DIS3L2: variants seen among roughly 807,000 people sequenced by gnomAD.
DIS3L2 encodes the protein DIS3-like exonuclease 2.
Under a neutral mutation model 97.5 loss-of-function variants are expected in DIS3L2, and 34 were observed. The ratio of observed to expected loss-of-function variants is 0.35; its 90% CI spans 0.27 to 0.46. The LOEUF is 0.46. Among genes scored for constraint, DIS3L2 ranks in the 20% least tolerant of loss-of-function variants. The probability of loss-of-function intolerance (pLI) is 1.00; values close to 1 mark genes in which losing one functional copy is unlikely to be tolerated. For synonymous variants in DIS3L2, 435 were observed against 445.2 expected (o/e 0.98, Z 0.29); for missense variants, 1,038 against 1,146.0 (o/e 0.91, Z 1.36).
rs1255633608 is a variant in DIS3L2 at position 232,161,866 on chromosome 2, TG to T, written c.951-1591del. Among the ~76,000 whole-genome samples, 9 of 151,998 alleles carry T rather than the reference TG, an allele frequency of 5.9e-5. 1 individual carries two copies. Among genetic ancestry groups the T allele is most frequent in the Admixed American group, 2.0e-4 (3 of 15,272 alleles). ...CGGCTCACCGCAACCTCTGACTCTCTGGTTCAAGGGATTCTCCTGCTTCAGT... is the reference window on the plus strand; with the variant it reads ...CGGCTCACCGCAACCTCTGACTCTCTGTTCAAGGGATTCTCCTGCTTCAGT... On this transcript the variant is annotated intron_variant, in intron 8 of 20. Coordinates refer to ENST00000325385, the MANE Select transcript of DIS3L2 (RefSeq NM_152383.5).
intron 5 of DIS3L2, among the ~76,000 whole-genome samples, chr2:232,060,023 T>C (rs1268726844): frequency 1.3e-5 from 2 of 152,172 alleles, no homozygotes; most frequent in East Asian, 3.9e-4. Flanking sequence ...TGCTGAGATT[T>C]TTTTTCTATA....
intron 10 of DIS3L2, among the ~76,000 whole-genome samples, chr2:232,218,750 C>T (rs1339889540): frequency 2.0e-5 from 3 of 152,342 alleles, no homozygotes; most frequent in Non-Finnish European, 4.4e-5. Context: ...TCAGTAATTT[C>T]CCTCCCTCCT....
At chr2:232,106,598 T>G (rs1203402138) in intron 6 of DIS3L2, among the ~76,000 whole-genome samples, 1 of 152,164 alleles carries the variant, frequency 6.6e-6, no homozygotes, top group Non-Finnish European at 1.5e-5. Context: ...GCACCCAGAT[T>G]TATAAAGCAA....
At chr2:232,299,817 G>A (rs1694811216) in intron 13 of DIS3L2, among the ~76,000 whole-genome samples, 1 of 152,158 alleles carries the variant, frequency 6.6e-6, no homozygotes, top group African/African-American at 2.4e-5. Flanking sequence ...TAAACGTATT[G>A]GTTGCATGCT....
intron 5 of DIS3L2, among the ~76,000 whole-genome samples, chr2:232,059,960 T>C (rs1006716298): frequency 1.3e-5 from 2 of 152,212 alleles, no homozygotes; most frequent in Admixed American, 1.3e-4. Context: ...AGTGCATGTA[T>C]CTTTCTGGTA....
At chr2:232,032,852 A>C (rs1694850498) in intron 5 of DIS3L2, among the ~76,000 whole-genome samples, 1 of 152,182 alleles carries the variant, frequency 6.6e-6, no homozygotes, top group Non-Finnish European at 1.5e-5. Flanking sequence ...TGGTCTATAT[A>C]TCTGTTTTGG....
At chr2:232,258,598 CAA>C (rs35525137) in intron 12 of DIS3L2, among the ~76,000 whole-genome samples, 110 of 74,636 alleles carry the variant, frequency 1.5e-3, no homozygotes, top group Middle Eastern at 8.2e-3. Context: ...GACTCTGTCT[CAA>C]AAAAAAAAAA....
intron 8 of DIS3L2, among the ~76,000 whole-genome samples, chr2:232,157,704 C>CTGGCATGGCT: frequency 6.6e-6 from 1 of 152,156 alleles, no homozygotes; most frequent in Non-Finnish European, 1.5e-5. Context: ...GGGGGTCCTC[C>CTGGCATGGCT]TGGCATGGCT....
chr2:231,988,716 T>C (rs1352197857), intron 1 of DIS3L2, among the ~76,000 whole-genome samples: 3 of 152,204 alleles, frequency 2.0e-5, no homozygotes, highest in Non-Finnish European at 4.4e-5. Flanking sequence ...AACTTCCAGA[T>C]GTTTGCAGCC....
intron 8 of DIS3L2, among the ~76,000 whole-genome samples, chr2:232,141,485 G>A (rs1690037464): frequency 6.6e-6 from 1 of 152,024 alleles, no homozygotes; most frequent in South Asian, 2.1e-4. Context: ...GGAGGAGGAG[G>A]AGGAAAAATG....
At chr2:232,065,140 C>G (rs1165641937) in intron 5 of DIS3L2, among the ~76,000 whole-genome samples, 1 of 152,030 alleles carries the variant, frequency 6.6e-6, no homozygotes, top group Non-Finnish European at 1.5e-5. Context: ...TACCCTCTTA[C>G]CAAAGTTTTA....
chr2:232,224,651 C>T (rs937217183), intron 10 of DIS3L2, among the ~76,000 whole-genome samples: 3 of 151,892 alleles, frequency 2.0e-5, no homozygotes, highest in African/African-American at 7.3e-5. Context: ...CCAGCCTGGT[C>T]AACATGGTAA....
intron 1 of DIS3L2, among the ~76,000 whole-genome samples, chr2:231,981,189 C>T (rs1484948694): frequency 6.6e-6 from 1 of 152,124 alleles, no homozygotes; most frequent in Non-Finnish European, 1.5e-5. Context: ...AGTGATCTGC[C>T]TACCTTGGCC....
chr2:231,983,303 G>C (rs1483695546), intron 1 of DIS3L2, among the ~76,000 whole-genome samples: 4 of 152,164 alleles, frequency 2.6e-5, no homozygotes, highest in Non-Finnish European at 5.9e-5. Flanking sequence ...TGAGATCAAG[G>C]TGTTGGCAGG....
At chr2:232,194,750 A>G (rs911805320) in intron 9 of DIS3L2, among the ~76,000 whole-genome samples, 5 of 152,154 alleles carry the variant, frequency 3.3e-5, no homozygotes, top group African/African-American at 1.2e-4. Flanking sequence ...AGGGCTTGGT[A>G]AGGACTGGGC....
chr2:232,121,014 T>C (rs1295873163), intron 6 of DIS3L2, among the ~76,000 whole-genome samples: 2 of 152,124 alleles, frequency 1.3e-5, no homozygotes, highest in Admixed American at 1.3e-4. Context: ...AAATAAAATA[T>C]TAAAAGCCAT....
At chr2:232,225,818 G>A (rs1310845504) in intron 10 of DIS3L2, among the ~76,000 whole-genome samples, 1 of 152,040 alleles carries the variant, frequency 6.6e-6, no homozygotes, top group Admixed American at 6.5e-5. Flanking sequence ...ATTTAATATG[G>A]TATATCCATA....
chr2:232,094,080 C>G (rs545885866), intron 6 of DIS3L2, among the ~76,000 whole-genome samples: 1 of 152,150 alleles, frequency 6.6e-6, no homozygotes, highest in South Asian at 2.1e-4. Context: ...TGTTAACCCA[C>G]TGGTCATTCA....
chr2:232,295,620 C>T (rs1450075350), intron 13 of DIS3L2, among the ~76,000 whole-genome samples: 1 of 152,226 alleles, frequency 6.6e-6, no homozygotes, highest in Non-Finnish European at 1.5e-5. Context: ...TACACTCTCA[C>T]ATCCTCTCAT....
Sources: allele counts gnomAD v4.1 joint callset (sites outside exome capture counted in the v4.1 genomes callset), GRCh38; gene constraint gnomAD v4.1.1; transcripts MANE v1.5; gene names NCBI Gene and HGNC (gene_info 2026-07-23, HGNC 2026-07-21).